The following WDR25 variants were observed in gnomAD, a reference collection of about 807,000 sequenced individuals.
WDR25 encodes the protein WD repeat-containing protein 25.
A neutral mutation model predicts 47.7 loss-of-function variants in WDR25; 35 were observed. The observed-to-expected ratio is 0.73, with a 90% CI of 0.56 to 0.97. The LOEUF (loss-of-function observed/expected upper bound fraction) is 0.97, where lower values mean the gene tolerates loss of function less well. WDR25 is among the 50% of genes least tolerant of loss of function. The pLI, the probability that WDR25 is intolerant of heterozygous loss-of-function variation, is 0.00. For missense variants in WDR25, 634 were observed against 704.7 expected, an observed-to-expected ratio of 0.90 and a Z score of 1.14; for synonymous variants, 248 against 278.9, an observed-to-expected ratio of 0.89 and a Z score of 1.10.
At chr14:100,480,498 A>G (rs771421716) in intron 3 of WDR25, among the ~76,000 whole-genome samples, 3 of 152,266 alleles carry the variant, frequency 2.0e-5, no homozygotes, top group African/African-American at 4.8e-5. Context: ...TTTATTATCC[A>G]TCATGGCAAA....
chr14:100,449,250 C>T lies in WDR25; in HGVS notation c.823-18771C>T, dbSNP rs928327366. Among the ~76,000 whole-genome samples, 4 of 152,354 alleles carry T rather than the reference C, an allele frequency of 2.6e-5. No homozygotes were observed. Among genetic ancestry groups the T allele is most frequent in the Non-Finnish European group, 5.9e-5 (4 of 68,034 alleles). The stretch of plus-strand genomic sequence containing the variant: ...GCAAATTGAGAAATCTTGATGAAAA[C>T]GATCACTTCCATCCCAGCCCCATCA... On this transcript the variant is annotated intron_variant, in intron 2 of 6. Coordinates refer to ENST00000402312, the MANE Select transcript of WDR25 (RefSeq NM_001161476.3). This position sits in a 1 kb window ranked among gnomAD's most constrained non-coding sequence, Gnocchi z 4.2.
At chr14:100,409,987 TTCCA>T (rs1487545903) in intron 2 of WDR25, among the ~76,000 whole-genome samples, 1 of 152,236 alleles carries the variant, frequency 6.6e-6, no homozygotes, top group Admixed American at 6.5e-5. Flanking sequence ...ACTCACCCCC[TTCCA>T]TCTCTCTATG....
chr14:100,460,413 A>G (rs1268246157), intron 2 of WDR25, among the ~76,000 whole-genome samples: 1 of 152,162 alleles, frequency 6.6e-6, no homozygotes, highest in Non-Finnish European at 1.5e-5. Context: ...CACCCGGCTG[A>G]TACAAAATTT....
chr14:100,488,656 C>T lies in WDR25; in HGVS notation c.1101+4532C>T, dbSNP rs1305998254. ...CAGCAGGTCCAGGTTGGGATAAGAT[C>T]CTGCATTTCTAACAAGCTCCCAGGA... On this transcript the variant is annotated intron_variant, in intron 4 of 6. Coordinates refer to ENST00000402312, the MANE Select transcript of WDR25 (RefSeq NM_001161476.3). The surrounding 1 kb of genome is among the most constrained non-coding windows in gnomAD (Gnocchi z 4.2). Among the ~76,000 whole-genome samples, 1 of 152,218 alleles carries T rather than the reference C, an allele frequency of 6.6e-6. No homozygotes were observed. The highest frequency in any genetic ancestry group is 1.9e-4 in the East Asian group (1 of 5,168).
At chr14:100,475,519 A>G (rs1899988391) in intron 3 of WDR25, among the ~76,000 whole-genome samples, 1 of 152,238 alleles carries the variant, frequency 6.6e-6, no homozygotes, top group East Asian at 1.9e-4. Flanking sequence ...AAGTGGGATA[A>G]GCGAAGGCAC....
intron 4 of WDR25, among the ~76,000 whole-genome samples, chr14:100,518,826 G>A (rs548816584): frequency 5.3e-5 from 8 of 151,930 alleles, no homozygotes; most frequent in Admixed American, 1.3e-4. Flanking sequence ...CCTGGGAGGC[G>A]GAAGTTGCAG....
At chr14:100,461,191 G>A (rs982016985) in intron 2 of WDR25, among the ~76,000 whole-genome samples, 1 of 152,080 alleles carries the variant, frequency 6.6e-6, no homozygotes, top group Non-Finnish European at 1.5e-5. Context: ...ACTCCAGCCT[G>A]GGTAACAGAG....
intron 2 of WDR25, among the ~76,000 whole-genome samples, chr14:100,393,280 T>G (rs916730864): frequency 7.9e-5 from 12 of 152,226 alleles, no homozygotes; most frequent in Non-Finnish European, 1.3e-4. Flanking sequence ...TAAACAGAAG[T>G]GCTCTCTTTC....
At chr14:100,495,674 GT>G (rs1238870560) in intron 4 of WDR25, among the ~76,000 whole-genome samples, 2 of 152,162 alleles carry the variant, frequency 1.3e-5, no homozygotes, top group African/African-American at 2.4e-5. Flanking sequence ...GGGGGCAGTG[GT>G]TTGCCTTACG....
chr14:100,396,118 AGGC>A (rs771900674), intron 2 of WDR25, among the ~76,000 whole-genome samples: 2 of 151,652 alleles, frequency 1.3e-5, no homozygotes, highest in Non-Finnish European at 2.9e-5. Flanking sequence ...CTGGGACTAC[AGGC>A]GCCCACCACC....
At chr14:100,376,581 C>T in intron 1 of WDR25, 86 bp downstream of exon 1, 1 of 1,231,986 alleles carries the variant, frequency 8.1e-7, no homozygotes, top group Non-Finnish European at 1.0e-6. Flanking sequence ...AACGCGGTCT[C>T]TCATAGCCGC....
intron 2 of WDR25, among the ~76,000 whole-genome samples, chr14:100,459,775 T>C (rs1338546164): frequency 2.0e-5 from 3 of 151,444 alleles, no homozygotes; most frequent in Non-Finnish European, 4.4e-5. Context: ...TTCAGACTTC[T>C]AGCTTCTGGA....
rs977731426 is a variant in WDR25 at position 100,468,874 on chromosome 14, C to T, written c.970+706C>T. Among the ~76,000 whole-genome samples the T allele has an allele frequency of 6.6e-6, 1 of 152,120 alleles. No individual in the cohort carries two copies. Among genetic ancestry groups the T allele is most frequent in the Non-Finnish European group, 1.5e-5 (1 of 68,004 alleles). ...TCTGCCTCCCAGTCCGAGCTCCTTC[C>T]TCTCTTTCTCCTTTCCCCTCCCCTC... On this transcript the variant is annotated intron_variant, in intron 3 of 6. Coordinates refer to ENST00000402312, the MANE Select transcript of WDR25 (RefSeq NM_001161476.3). The surrounding 1 kb of genome is among the most constrained non-coding windows in gnomAD (Gnocchi z 4.5).
At chr14:100,473,129 G>A (rs1198542609) in intron 3 of WDR25, among the ~76,000 whole-genome samples, 2 of 152,258 alleles carry the variant, frequency 1.3e-5, no homozygotes, top group East Asian at 1.9e-4. Flanking sequence ...AGGAAAAAGA[G>A]AATGACAGGT....
chr14:100,484,153 T>C, intron 4 of WDR25, 29 bp downstream of exon 4: 1 of 1,592,138 alleles, frequency 6.3e-7, no homozygotes, highest in Non-Finnish European at 8.5e-7. Flanking sequence ...ACTTGGCCTT[T>C]CCACAGGAGA....
At chr14:100,490,188 T>C (rs1417830295) in intron 4 of WDR25, among the ~76,000 whole-genome samples, 1 of 152,196 alleles carries the variant, frequency 6.6e-6, no homozygotes. Flanking sequence ...ACTAGTATGC[T>C]GTAGCATTCT....
At chr14:100,416,120 C>G (rs750845250) in intron 2 of WDR25, among the ~76,000 whole-genome samples, 15 of 152,250 alleles carry the variant, frequency 9.9e-5, no homozygotes, top group Non-Finnish European at 1.2e-4. Flanking sequence ...GCTGTCCAAT[C>G]AGCCACTGAG....
rs114156215 is a variant in WDR25, at chr14:100,382,195, C to T, written c.822+449C>T. 9.6e-3 allele frequency: 6,735 copies of T among 702,804 alleles called. 130 individuals are homozygous for T. Among genetic ancestry groups the T allele is most frequent in the African/African-American group, 0.061 (3,479 of 57,304 alleles). The allele number at this position is 702,804 out of a possible 1,614,324, so 43.5% of individuals were successfully genotyped here. On this transcript the variant is annotated intron_variant, in intron 2 of 6. Transcript: ENST00000402312. ...TGGTGTCAGGGCTTGCACAGTGAGG[C>T]GGGAGCCGTGGACAAGTACACAGAC...
At chr14:100,421,649 G>T (rs1898030222) in intron 2 of WDR25, among the ~76,000 whole-genome samples, 2 of 152,126 alleles carry the variant, frequency 1.3e-5, no homozygotes, top group Admixed American at 1.3e-4. Context: ...ATGAAATATG[G>T]CAGATAGAGC....
Sources: allele counts gnomAD v4.1 joint callset (sites outside exome capture counted in the v4.1 genomes callset), GRCh38; gene constraint gnomAD v4.1.1; non-coding constraint Gnocchi (gnomAD v3.1); transcripts MANE v1.5; gene names NCBI Gene and HGNC (gene_info 2026-07-23, HGNC 2026-07-21).